The following BRAF variants were observed in gnomAD, a reference collection of about 807,000 sequenced individuals.
BRAF encodes the protein B-Raf proto-oncogene, serine/threonine kinase, also known as serine/threonine-protein kinase B-raf.
A neutral mutation model predicts 104.6 loss-of-function variants in BRAF; 16 were observed. That is an observed-to-expected ratio of 0.15 (90% CI 0.10 to 0.23). The LOEUF is 0.23. BRAF is among the 10% of genes least tolerant of loss of function. The pLI is 1.00. For missense variants in BRAF, 541 were observed against 937.3 expected (o/e 0.58, Z 5.52); for synonymous variants, 310 against 341.6 (o/e 0.91, Z 1.02).
Position 140,755,479 on chromosome 7 carries a change from C to A in BRAF, c.1815-1246G>T, listed in dbSNP as rs552619922. Among the ~76,000 whole-genome samples, 17 of 152,216 alleles carry A rather than the reference C, an allele frequency of 1.1e-4. No homozygotes were observed. In the South Asian group the frequency reaches 1.5e-3, roughly 13 times the overall value. Reference sequence around the variant, plus strand: ...TAAACGTCCTCATTCTTCCCAATATCAAAAATTTTAAAGTATTTTCTAGAT... The same window carrying A: ...TAAACGTCCTCATTCTTCCCAATATAAAAAATTTTAAAGTATTTTCTAGAT... On this transcript the variant is annotated intron_variant, in intron 14 of 19. Transcript: ENST00000644969.
At chr7:140,734,464 T>C in intron 19 of BRAF, 1 of 1,582,160 alleles carries the variant, frequency 6.3e-7, no homozygotes, top group Non-Finnish European at 8.5e-7. Context: ...TATCTAGTCT[T>C]TAACCACACA....
chr7:140,734,106 T>C, intron 19 of BRAF: 5 of 1,040,046 alleles, frequency 4.8e-6, no homozygotes, highest in Non-Finnish European at 5.8e-6. Flanking sequence ...AGAAAAATTA[T>C]TAAGAATAAT....
In BRAF at chr7:140,722,739, G is replaced by A. The variant is rs1450832663; in HGVS notation, c.*3755C>T. ...AAAGCTGCAGCAAACTCATTATGAG[G>A]ATGTACTGTCATGCCAAGCCTACTG... On this transcript the variant is annotated 3_prime_UTR_variant, in exon 20 of 20. Transcript: ENST00000644969. The A allele has an allele frequency of 6.7e-6, 7 of 1,050,520 alleles. No individual in the cohort carries two copies. The highest frequency in any genetic ancestry group is 8.0e-6 in the Non-Finnish European group (7 of 870,166). The allele number at this position is 1,050,520 out of a possible 1,614,324, so 65.1% of individuals were successfully genotyped here. A position where few individuals can be genotyped will look rare whatever the true frequency, so the allele number is the denominator to read the frequency against.
Position 140,745,149 on chromosome 7 carries a change from T to C in BRAF, c.2112+4138A>G, listed in dbSNP as rs1010148811. Among the ~76,000 whole-genome samples, 4 of 152,302 alleles carry C rather than the reference T, an allele frequency of 2.6e-5. No homozygotes were observed. The East Asian group carries it at 7.7e-4, about 29-fold the overall frequency. On this transcript the variant is annotated intron_variant, in intron 17 of 19. Coordinates refer to ENST00000644969, the MANE Select transcript of BRAF (RefSeq NM_001374258.1). ...AATCGGTATGGTTTTTAGATTTTGA[T>C]GTATATATTTCAAAAAGAGGGATAT...
At chr7:140,744,818 A>G (rs971674055) in intron 17 of BRAF, among the ~76,000 whole-genome samples, 11 of 152,218 alleles carry the variant, frequency 7.2e-5, no homozygotes, top group African/African-American at 2.7e-4. Context: ...TCCATATATC[A>G]AAACTTATAT....
chr7:140,733,825 G>A (rs986562698), intron 19 of BRAF: 7 of 205,370 alleles, frequency 3.4e-5, no homozygotes, highest in Non-Finnish European at 6.1e-5. Context: ...GGTGTGAAGG[G>A]AGCAATGCGT....
At chr7:140,853,236 A>T (rs1809387142) in intron 1 of BRAF, among the ~76,000 whole-genome samples, 1 of 151,790 alleles carries the variant, frequency 6.6e-6, no homozygotes, top group Admixed American at 6.6e-5. Context: ...AAAAAAAAAA[A>T]ATAGCCAGAC....
intron 3 of BRAF, among the ~76,000 whole-genome samples, chr7:140,826,401 G>A (rs538865140): frequency 3.0e-4 from 45 of 152,148 alleles, no homozygotes; most frequent in South Asian, 6.2e-4. Context: ...TGAACAAATG[G>A]TACAATTAAC....
intron 3 of BRAF, chr7:140,834,362 G>T (rs1331871775): frequency 1.6e-6 from 1 of 606,408 alleles, no homozygotes; most frequent in Non-Finnish European, 2.9e-6. Flanking sequence ...GCTTAGACAT[G>T]ACTGTGGTTC....
At chr7:140,735,518 C>A (rs1796331925) in intron 18 of BRAF, among the ~76,000 whole-genome samples, 1 of 152,030 alleles carries the variant, frequency 6.6e-6, no homozygotes, top group Admixed American at 6.6e-5. Flanking sequence ...AAAACCTTAG[C>A]AGCTATTATT....
chr7:140,870,646 A>C (rs1225637116), intron 1 of BRAF, among the ~76,000 whole-genome samples: 3 of 139,074 alleles, frequency 2.2e-5, no homozygotes, highest in Non-Finnish European at 3.0e-5. Context: ...AAAAAAAAAA[A>C]ACCTAGTCTA....
At chr7:140,800,958 T>C (rs1440758089) in intron 6 of BRAF, 2 of 213,602 alleles carry the variant, frequency 9.4e-6, no homozygotes, top group Non-Finnish European at 1.9e-5. Context: ...ATATACTGGA[T>C]ACAAAAATTT....
intron 18 of BRAF, among the ~76,000 whole-genome samples, chr7:140,736,840 C>A (rs1796485491): frequency 6.6e-6 from 1 of 151,870 alleles, no homozygotes; most frequent in Non-Finnish European, 1.5e-5. Flanking sequence ...AGTTCAAGAC[C>A]AGCCAGGGCA....
Position 140,719,381 on chromosome 7 carries a change from T to A in BRAF, c.*7113A>T. On this transcript the variant is annotated 3_prime_UTR_variant, in exon 20 of 20. Coordinates refer to ENST00000644969, the MANE Select transcript of BRAF (RefSeq NM_001374258.1). ...TTATAGCAGTATTCGCATATTCACA[T>A]CAAGTACATAGAACTTTTTTTGCCT... The A allele has an allele frequency of 2.0e-6, 2 of 1,006,070 alleles. No homozygotes were observed. Among genetic ancestry groups the A allele is most frequent in the Non-Finnish European group, 2.4e-6 (2 of 836,206 alleles). The allele number at this position is 1,006,070 out of a possible 1,614,324, so 62.3% of individuals were successfully genotyped here.
intron 1 of BRAF, among the ~76,000 whole-genome samples, chr7:140,877,727 C>G (rs1812428605): frequency 6.6e-6 from 1 of 151,988 alleles, no homozygotes. Flanking sequence ...ATGAAAAACT[C>G]TACATAAATT....
At chr7:140,753,473 A>G in intron 15 of BRAF, 80 bp from the exon 15 acceptor site, 1 of 908,502 alleles carries the variant, frequency 1.1e-6, no homozygotes, top group Non-Finnish European at 1.8e-6. Context: ...TAGGTAAGAG[A>G]TCTAATTTCT....
intron 18 of BRAF, among the ~76,000 whole-genome samples, chr7:140,735,704 GCAC>G (rs1796351795): frequency 6.6e-6 from 1 of 151,586 alleles, no homozygotes; most frequent in African/African-American, 2.4e-5. Flanking sequence ...TTACAGGAGC[GCAC>G]CACCATGCCC....
intron 1 of BRAF, among the ~76,000 whole-genome samples, chr7:140,896,889 G>T (rs969273309): frequency 1.3e-5 from 2 of 149,210 alleles, no homozygotes; most frequent in African/African-American, 5.0e-5. Flanking sequence ...AAAAGGGGTG[G>T]GGGGGGAAGA....
At chr7:140,743,688 C>T (rs1332204370) in intron 17 of BRAF, among the ~76,000 whole-genome samples, 2 of 151,396 alleles carry the variant, frequency 1.3e-5, no homozygotes, top group Non-Finnish European at 2.9e-5. Context: ...CTAACCTGCA[C>T]ATTGTGTACA....
Sources: gnomAD v4.1 joint callset for allele counts (sites outside exome capture counted in the v4.1 genomes callset) on GRCh38, gnomAD v4.1.1 for gene constraint, MANE v1.5 for transcripts, NCBI Gene and HGNC (gene_info 2026-07-23, HGNC 2026-07-21) for gene names.